Variants in WDR59 observed in about 807,000 individuals in gnomAD.
WDR59 encodes the protein WD repeat domain 59.
WDR59 carries 100 observed loss-of-function variants against 131.2 expected under a neutral mutation model. The observed-to-expected ratio is 0.76, with a 90% CI of 0.65 to 0.90. The LOEUF is 0.90. Among genes scored for constraint, WDR59 ranks in the 40% least tolerant of loss-of-function variants. WDR59 has a pLI of 0.00. For missense variants in WDR59, 1,203 were observed against 1,262.2 expected, an observed-to-expected ratio of 0.95 and a Z score of 0.71; for synonymous variants, 601 against 466.2, an observed-to-expected ratio of 1.29 and a Z score of -3.72.
At chr16:74,945,395 A>G (rs999418587) in intron 6 of WDR59, among the ~76,000 whole-genome samples, 1 of 150,834 alleles carries the variant, frequency 6.6e-6, no homozygotes, top group Admixed American at 6.6e-5. Flanking sequence ...GAGAATGGCG[A>G]GAACCTGGGA....
At chr16:74,905,705 A>T (rs929080457) in intron 17 of WDR59, among the ~76,000 whole-genome samples, 11 of 151,194 alleles carry the variant, frequency 7.3e-5, no homozygotes, top group East Asian at 5.8e-4. Context: ...AATAAATAAA[A>T]AATAAAAAAA....
intron 7 of WDR59, among the ~76,000 whole-genome samples, chr16:74,940,365 T>A (rs2032120037): frequency 6.8e-6 from 1 of 146,912 alleles, no homozygotes; most frequent in African/African-American, 2.5e-5. Flanking sequence ...GGCAACAGAG[T>A]GAGACTCTGT....
intron 3 of WDR59, among the ~76,000 whole-genome samples, chr16:74,952,445 C>CAAAAAAAAAAAAAAAA (rs61448932): frequency 6.4e-5 from 4 of 62,694 alleles, no homozygotes; most frequent in Admixed American, 2.2e-4. Flanking sequence ...CCATCTCAAA[C>CAAAAAAAAAAAAAAAA]AAAAAAAAAA....
chr16:74,936,085 G>A (rs1229646150), intron 8 of WDR59, among the ~76,000 whole-genome samples: 1 of 151,922 alleles, frequency 6.6e-6, no homozygotes, highest in Admixed American at 6.6e-5. Flanking sequence ...AATAAGCTAA[G>A]CCTGCTGGTA....
chr16:74,956,658 T>C, intron 2 of WDR59, 48 bp from the exon 3 acceptor site: 1 of 1,593,042 alleles, frequency 6.3e-7, no homozygotes. Flanking sequence ...ACAACATCAT[T>C]AGCATTAAGA....
intron 10 of WDR59, among the ~76,000 whole-genome samples, chr16:74,920,503 A>C (rs980344906): frequency 1.2e-4 from 18 of 152,024 alleles, no homozygotes; most frequent in Non-Finnish European, 2.5e-4. Flanking sequence ...TGGGTTCAAG[A>C]GATTCTCCTG....
chr16:74,958,443 T>A (rs2033398548), intron 2 of WDR59, among the ~76,000 whole-genome samples: 1 of 149,794 alleles, frequency 6.7e-6, no homozygotes, highest in Admixed American at 6.7e-5. Flanking sequence ...TACTAAAAAA[T>A]TAGCTAAACA....
intron 23 of WDR59, among the ~76,000 whole-genome samples, chr16:74,887,455 C>G (rs1964821397): frequency 6.6e-6 from 1 of 152,084 alleles, no homozygotes; most frequent in Non-Finnish European, 1.5e-5. Flanking sequence ...GTCAGTTTCT[C>G]AAGGTTAAGA....
chr16:74,922,566 GC>G (rs532021718), intron 9 of WDR59, among the ~76,000 whole-genome samples: 2 of 151,830 alleles, frequency 1.3e-5, no homozygotes, highest in Non-Finnish European at 2.9e-5. Flanking sequence ...TCACCTTCCC[GC>G]CCCCCCGGCA....
chr16:74,954,977 G>C (rs11649068), intron 3 of WDR59, among the ~76,000 whole-genome samples: 68,876 of 151,602 alleles, frequency 0.45, 15,834 homozygotes, highest in East Asian at 0.72. Context: ...GGAATGGGGA[G>C]AAACTGCTTA....
intron 1 of WDR59, among the ~76,000 whole-genome samples, chr16:74,978,729 T>C (rs1356906558): frequency 6.6e-6 from 1 of 152,074 alleles, no homozygotes; most frequent in Non-Finnish European, 1.5e-5. Flanking sequence ...AACTCTACAA[T>C]TATACCTGCA....
chr16:74,950,565 T>G (rs532950396), intron 4 of WDR59, among the ~76,000 whole-genome samples: 1 of 152,278 alleles, frequency 6.6e-6, no homozygotes, highest in Admixed American at 6.5e-5. Flanking sequence ...AGGCAGCAAC[T>G]GCACAGAACA....
intron 3 of WDR59, among the ~76,000 whole-genome samples, chr16:74,952,613 T>C (rs1383059080): frequency 2.0e-5 from 3 of 151,610 alleles, no homozygotes; most frequent in East Asian, 3.9e-4. Flanking sequence ...ACAGCTACAA[T>C]AGAAAAATAA....
chr16:74,892,230 T>C (rs1241093858), intron 20 of WDR59, among the ~76,000 whole-genome samples: 1 of 152,180 alleles, frequency 6.6e-6, no homozygotes, highest in Non-Finnish European at 1.5e-5. Context: ...CAATCACTGA[T>C]ACTGGAACAG....
At chr16:74,891,273 G>A (rs1965031205) in intron 20 of WDR59, among the ~76,000 whole-genome samples, 1 of 152,232 alleles carries the variant, frequency 6.6e-6, no homozygotes, top group South Asian at 2.1e-4. Flanking sequence ...AATCTAAGGA[G>A]AAAGAATAAG....
chr16:74,950,591 G>T (rs1368347776), intron 4 of WDR59, among the ~76,000 whole-genome samples: 3 of 152,280 alleles, frequency 2.0e-5, no homozygotes, highest in Admixed American at 1.3e-4. Flanking sequence ...CCCAACCCAG[G>T]TGTCTCACCT....
intron 1 of WDR59, among the ~76,000 whole-genome samples, chr16:74,984,143 G>C (rs1347176797): frequency 1.3e-5 from 2 of 152,166 alleles, no homozygotes; most frequent in East Asian, 3.9e-4. Flanking sequence ...CGGGCGTGGT[G>C]GTGCGCACCT....
At chr16:74,977,273 T>G (rs574011397) in intron 1 of WDR59, among the ~76,000 whole-genome samples, 1 of 151,796 alleles carries the variant, frequency 6.6e-6, no homozygotes. Context: ...TAAAAAAAAA[T>G]TTTTAATACC....
chr16:74,891,840 C>T (rs557455740), intron 20 of WDR59, among the ~76,000 whole-genome samples: 1 of 152,300 alleles, frequency 6.6e-6, no homozygotes, highest in East Asian at 1.9e-4. Flanking sequence ...AGGAGAATCG[C>T]TTGAACCCGG....
Sources: gnomAD v4.1 joint callset for allele counts (sites outside exome capture counted in the v4.1 genomes callset) on GRCh38, gnomAD v4.1.1 for gene constraint, MANE v1.5 for transcripts, NCBI Gene and HGNC (gene_info 2026-07-23, HGNC 2026-07-21) for gene names.